The following CSMD1 variants were observed in gnomAD, a reference collection of about 807,000 sequenced individuals.
The protein encoded by CSMD1 is CUB and Sushi multiple domains 1.
CSMD1 carries 213 observed loss-of-function variants against 417.5 expected under a neutral mutation model. That is an observed-to-expected ratio of 0.51 (90% CI 0.46 to 0.57). CSMD1 has a LOEUF of 0.57. Ranked by LOEUF, CSMD1 falls within the 20% of genes least tolerant of loss-of-function variation. The pLI is 0.00. For synonymous variants in CSMD1, 2,862 were observed against 1,736.8 expected, an observed-to-expected ratio of 1.65 and a Z score of -16.11; for missense variants, 6,923 against 4,529.7, an observed-to-expected ratio of 1.53 and a Z score of -15.17.
chr8:4,730,600 G>A (rs1290093305), intron 1 of CSMD1, among the ~76,000 whole-genome samples: 20 of 152,042 alleles, frequency 1.3e-4, no homozygotes, highest in Non-Finnish European at 2.5e-4. Context: ...AATTAGCCGG[G>A]CGTGGTGGCG....
chr8:3,415,882 G>C, intron 12 of CSMD1, among the ~76,000 whole-genome samples: 1 of 152,124 alleles, frequency 6.6e-6, no homozygotes, highest in East Asian at 1.9e-4. Context: ...GTTTTCATGA[G>C]AATAAGTGAG....
chr8:4,442,345 T>C (rs1798534404), intron 2 of CSMD1, among the ~76,000 whole-genome samples: 1 of 152,174 alleles, frequency 6.6e-6, no homozygotes, highest in Admixed American at 6.5e-5. Context: ...CCTTCCAAAC[T>C]ATCCCATTCC....
chr8:3,407,584 T>C (rs1812432917), intron 14 of CSMD1, among the ~76,000 whole-genome samples: 1 of 150,766 alleles, frequency 6.6e-6, no homozygotes, highest in Non-Finnish European at 1.5e-5. Context: ...GGTGCATGGA[T>C]GGATAGAATG....
At chr8:4,446,765 G>GTGTGTGTGTGTGTC (rs1563183345) in intron 2 of CSMD1, among the ~76,000 whole-genome samples, 2 of 94,416 alleles carry the variant, frequency 2.1e-5, no homozygotes, top group African/African-American at 1.2e-4. Flanking sequence ...CTGTGTGTGT[G>GTGTGTGTGTGTGTC]TGTGTGTGTG....
intron 10 of CSMD1, among the ~76,000 whole-genome samples, chr8:3,538,357 G>C (rs768004458): frequency 9.2e-5 from 14 of 151,704 alleles, no homozygotes; most frequent in Non-Finnish European, 1.9e-4. Flanking sequence ...GCTTCACCTG[G>C]GATGATGCAC....
At chr8:3,464,094 G>A (rs188339194) in intron 12 of CSMD1, among the ~76,000 whole-genome samples, 1 of 152,258 alleles carries the variant, frequency 6.6e-6, no homozygotes, top group African/African-American at 2.4e-5. Context: ...GCACATCACA[G>A]GAAACAGTTC....
At chr8:4,587,995 A>G (rs1309650446) in intron 2 of CSMD1, among the ~76,000 whole-genome samples, 2 of 152,204 alleles carry the variant, frequency 1.3e-5, no homozygotes, top group Non-Finnish European at 2.9e-5. Context: ...ACTTTCCTGA[A>G]TCGTGAATGC....
chr8:4,316,627 G>A (rs981853970), intron 3 of CSMD1, among the ~76,000 whole-genome samples: 2 of 151,872 alleles, frequency 1.3e-5, no homozygotes, highest in African/African-American at 2.4e-5. Context: ...CGTGACAGAA[G>A]GTGAACGACA....
intron 10 of CSMD1, among the ~76,000 whole-genome samples, chr8:3,538,291 G>T (rs1403948086): frequency 6.6e-6 from 1 of 152,190 alleles, no homozygotes; most frequent in African/African-American, 2.4e-5. Context: ...CACCTGATAT[G>T]CTTCACCTGA....
At chr8:4,028,347 A>G (rs1389427130) in intron 4 of CSMD1, among the ~76,000 whole-genome samples, 10 of 152,102 alleles carry the variant, frequency 6.6e-5, no homozygotes, top group Non-Finnish European at 1.3e-4. Context: ...CTACTTATGA[A>G]GATTAAATTT....
Position 3,005,065 on chromosome 8 carries a change from G to C in CSMD1, c.8030-4934C>G, listed in dbSNP as rs190522116. On this transcript the variant is annotated intron_variant, in intron 52 of 69. Coordinates refer to ENST00000635120, the MANE Select transcript of CSMD1 (RefSeq NM_033225.6). Reference sequence around the variant, plus strand: ...GAGGCAGAGGAATTGCTTGAACCCGGGAGGCAGAGGTTGCAGTGAGCCGAG... The same window carrying C: ...GAGGCAGAGGAATTGCTTGAACCCGCGAGGCAGAGGTTGCAGTGAGCCGAG... Among the ~76,000 whole-genome samples the C allele has an allele frequency of 6.6e-3, 1,012 of 152,270 alleles. 5 individuals carry two copies. Among genetic ancestry groups the C allele is most frequent in the Non-Finnish European group, 0.011 (742 of 68,022 alleles).
Position 3,851,675 on chromosome 8 carries a change from G to A in CSMD1, c.819-97633C>T, listed in dbSNP as rs190894187. 1.7e-4 allele frequency among the ~76,000 whole-genome samples: 26 copies of A among 152,178 alleles called. No individual in the cohort carries two copies. In the East Asian group the frequency reaches 4.6e-3, roughly 27 times the overall value. On this transcript the variant is annotated intron_variant, in intron 5 of 69. Transcript: ENST00000635120. Reference sequence around the variant, plus strand: ...ATAGACAATAAGAAACAAAGAAAAGGGTGAATAGCAGAAGAAAAGAGAAAA... The same window carrying A: ...ATAGACAATAAGAAACAAAGAAAAGAGTGAATAGCAGAAGAAAAGAGAAAA...
rs148770334 is a variant in CSMD1, at chr8:4,977,424, G to C, written c.85+16908C>G. Among the ~76,000 whole-genome samples, 9 of 152,300 alleles carry C rather than the reference G, an allele frequency of 5.9e-5. No individual in the cohort carries two copies. The East Asian group carries it at 1.7e-3, about 30-fold the overall frequency. Reference sequence around the variant, plus strand: ...TTCAGGCTGGAGGAGACTGTTGTGTGTGAGGGGTGGGTGCATGTCCACGGA... The same window carrying C: ...TTCAGGCTGGAGGAGACTGTTGTGTCTGAGGGGTGGGTGCATGTCCACGGA... On this transcript the variant is annotated intron_variant, in intron 1 of 69. Transcript: ENST00000635120.
chr8:4,490,686 T>A (rs987196911), intron 2 of CSMD1, among the ~76,000 whole-genome samples: 14 of 152,140 alleles, frequency 9.2e-5, no homozygotes, highest in African/African-American at 3.1e-4. Context: ...AAGAGACAAA[T>A]AAGAGACTCT....
chr8:4,048,865 C>A (rs193050957), intron 3 of CSMD1, among the ~76,000 whole-genome samples: 1 of 152,176 alleles, frequency 6.6e-6, no homozygotes, highest in Non-Finnish European at 1.5e-5. Flanking sequence ...ACAGATAGAT[C>A]AAGCTCATTT....
intron 20 of CSMD1, 122 bp from the exon 21 acceptor site, chr8:3,359,462 C>T: frequency 1.4e-6 from 1 of 733,230 alleles, no homozygotes; most frequent in Non-Finnish European, 2.1e-6. Flanking sequence ...TATATTTTCC[C>T]CAAACACTTA....
At chr8:3,469,623 A>G (rs891451286) in intron 11 of CSMD1, among the ~76,000 whole-genome samples, 2 of 152,220 alleles carry the variant, frequency 1.3e-5, no homozygotes, top group Non-Finnish European at 2.9e-5. Context: ...CAATTCAACC[A>G]AAACAAATGT....
At chr8:3,241,576 C>T (rs1354657148) in intron 26 of CSMD1, among the ~76,000 whole-genome samples, 1 of 152,124 alleles carries the variant, frequency 6.6e-6, no homozygotes, top group Non-Finnish European at 1.5e-5. Flanking sequence ...GTGAGTTGAA[C>T]AGTCTGATTT....
At chr8:3,874,257 C>T (rs1805670322) in intron 5 of CSMD1, among the ~76,000 whole-genome samples, 2 of 152,146 alleles carry the variant, frequency 1.3e-5, no homozygotes, top group Non-Finnish European at 2.9e-5. Flanking sequence ...GTTTATTTTA[C>T]TGTTAGAATG....
Sources: gnomAD v4.1 joint callset for allele counts (sites outside exome capture counted in the v4.1 genomes callset) on GRCh38, gnomAD v4.1.1 for gene constraint, MANE v1.5 for transcripts, NCBI Gene and HGNC (gene_info 2026-07-23, HGNC 2026-07-21) for gene names.